ERBB4: variants seen among roughly 807,000 people sequenced by gnomAD.
ERBB4 encodes receptor tyrosine-protein kinase erbB-4.
In ERBB4, 42 loss-of-function variants were observed where a neutral mutation model predicts 158.0. The ratio of observed to expected loss-of-function variants is 0.27; its 90% CI spans 0.21 to 0.34. The LOEUF (loss-of-function observed/expected upper bound fraction) is 0.34, where lower values mean the gene tolerates loss of function less well. Ranked by LOEUF, ERBB4 falls within the 10% of genes least tolerant of loss-of-function variation. ERBB4 has a pLI of 1.00. For missense variants in ERBB4, 1,333 were observed against 1,624.1 expected, an observed-to-expected ratio of 0.82 and a Z score of 3.08; for synonymous variants, 583 against 558.7, an observed-to-expected ratio of 1.04 and a Z score of -0.61.
chr2:211,816,540 C>CAAAAA (rs34323414), intron 3 of ERBB4, among the ~76,000 whole-genome samples: 42 of 65,872 alleles, frequency 6.4e-4, no homozygotes, highest in Non-Finnish European at 8.3e-4. Flanking sequence ...GAGCCCGTCT[C>CAAAAA]AAAAAAAAAA....
chr2:211,650,952 C>G (rs536945825), intron 16 of ERBB4, among the ~76,000 whole-genome samples: 1 of 152,228 alleles, frequency 6.6e-6, no homozygotes, highest in Non-Finnish European at 1.5e-5. Flanking sequence ...CCATACGTGA[C>G]TAGTGGTTAC....
At chr2:212,464,290 T>C (rs2106085582) in intron 1 of ERBB4, among the ~76,000 whole-genome samples, 2 of 152,300 alleles carry the variant, frequency 1.3e-5, no homozygotes, top group South Asian at 4.1e-4. Flanking sequence ...TATAATTCCA[T>C]ATATACTGTA....
At chr2:212,512,194 C>G (rs1414579623) in intron 1 of ERBB4, among the ~76,000 whole-genome samples, 4 of 152,122 alleles carry the variant, frequency 2.6e-5, no homozygotes, top group Non-Finnish European at 5.9e-5. Context: ...TTGAAATACC[C>G]TCTAATAGTT....
At chr2:212,039,269 A>G (rs2077084616) in intron 2 of ERBB4, among the ~76,000 whole-genome samples, 1 of 152,146 alleles carries the variant, frequency 6.6e-6, no homozygotes, top group Non-Finnish European at 1.5e-5. Context: ...CAGAAGAATA[A>G]TGATTGTATA....
intron 20 of ERBB4, among the ~76,000 whole-genome samples, chr2:211,437,943 G>C (rs1385050978): frequency 6.6e-6 from 1 of 152,104 alleles, no homozygotes; most frequent in Non-Finnish European, 1.5e-5. Flanking sequence ...CATGTTTAAG[G>C]AAAGAAAGGG....
chr2:211,584,006 TGAC>T (rs1156853730), intron 19 of ERBB4, among the ~76,000 whole-genome samples: 1 of 148,410 alleles, frequency 6.7e-6, no homozygotes, highest in African/African-American at 2.5e-5. Flanking sequence ...GAATGTATTA[TGAC>T]AGGTGAGATA....
Position 211,428,455 on chromosome 2 carries a change from C to T in ERBB4, c.2672G>A (p.Cys891Tyr), listed in dbSNP as rs181319801. Residue 891 changes from cysteine (C) to tyrosine (Y), a missense_variant, in exon 22 of 28, where the codon TGT becomes TAT. Cys to Tyr is a radical substitution (Grantham distance 194). Coordinates refer to ENST00000342788, the MANE Select transcript of ERBB4 (RefSeq NM_005235.3). The part of the protein sequence containing the change: ...KMPIKWMALE[C>Y]IHYRKFTHQS... ...ATGGGTGAATTTCCTGTAATGTATA[C>T]ACTCCAGAGCCATCCATTTAATTGG... 1.3e-6 allele frequency: 2 copies of T among 1,581,552 alleles called. No individual in the cohort carries two copies. Among genetic ancestry groups the T allele is most frequent in the East Asian group, 2.2e-5 (1 of 44,496 alleles).
chr2:212,177,809 A>G (rs10204590), intron 1 of ERBB4, among the ~76,000 whole-genome samples: 6,138 of 151,962 alleles, frequency 0.04, 410 homozygotes, highest in African/African-American at 0.14. Flanking sequence ...GCCACTTGAG[A>G]TAAGTAGTCT....
rs116462498 is a variant in ERBB4 at position 211,534,051 on chromosome 2, G to A, written c.2487+27852C>T. Among the ~76,000 whole-genome samples the A allele has an allele frequency of 8.6e-3, 1,302 of 152,074 alleles. 16 individuals are homozygous for A. The highest frequency in any genetic ancestry group is 0.03 in the African/African-American group (1,240 of 41,534). On this transcript the variant is annotated intron_variant, in intron 20 of 27. Coordinates refer to ENST00000342788, the MANE Select transcript of ERBB4 (RefSeq NM_005235.3). ...TATCATTGCTAGAAATGCAGCTGTG[G>A]GATTATTTGGTGTGATTTTTTCTTA...
chr2:212,536,427 G>T (rs1452970574), intron 1 of ERBB4, among the ~76,000 whole-genome samples: 1 of 152,084 alleles, frequency 6.6e-6, no homozygotes, highest in East Asian at 1.9e-4. Context: ...TTCTTTGTGC[G>T]GCCCTTTCAT....
chr2:211,643,480 G>A (rs1256186565), intron 16 of ERBB4, among the ~76,000 whole-genome samples: 1 of 151,970 alleles, frequency 6.6e-6, no homozygotes, highest in Non-Finnish European at 1.5e-5. Flanking sequence ...TTTTTTACTT[G>A]TAGGCAAGGA....
intron 1 of ERBB4, among the ~76,000 whole-genome samples, chr2:212,169,829 C>A (rs2081460261): frequency 6.6e-6 from 1 of 152,158 alleles, no homozygotes; most frequent in Non-Finnish European, 1.5e-5. Context: ...CTCTCTCTCA[C>A]CTGCTGCCAT....
chr2:212,390,279 T>G (rs2090816249), intron 1 of ERBB4, among the ~76,000 whole-genome samples: 1 of 151,820 alleles, frequency 6.6e-6, no homozygotes, highest in South Asian at 2.1e-4. Context: ...GGGACTTCAT[T>G]TATTAGTATT....
chr2:211,705,050 G>A (rs1163550918), intron 10 of ERBB4, among the ~76,000 whole-genome samples: 2 of 152,068 alleles, frequency 1.3e-5, no homozygotes, highest in African/African-American at 2.4e-5. Flanking sequence ...TCCACCTCCT[G>A]GGTTCAAGCA....
At chr2:211,912,950 C>T (rs1292298584) in intron 3 of ERBB4, among the ~76,000 whole-genome samples, 1 of 152,204 alleles carries the variant, frequency 6.6e-6, no homozygotes, top group Non-Finnish European at 1.5e-5. Flanking sequence ...TCCCTATCAT[C>T]ACCTGTCTTG....
At chr2:211,611,605 C>T (rs776926408) in intron 19 of ERBB4, among the ~76,000 whole-genome samples, 4 of 152,112 alleles carry the variant, frequency 2.6e-5, no homozygotes, top group Admixed American at 6.6e-5. Flanking sequence ...TTTCATCTCA[C>T]GACTGCTTTC....
chr2:211,528,896 A>T (rs976956859), intron 20 of ERBB4, among the ~76,000 whole-genome samples: 2 of 152,008 alleles, frequency 1.3e-5, no homozygotes, highest in East Asian at 3.8e-4. Flanking sequence ...GTCCCTACAT[A>T]AAAAAGAGGC....
At chr2:212,068,233 C>T (rs1361238433) in intron 2 of ERBB4, among the ~76,000 whole-genome samples, 1 of 151,962 alleles carries the variant, frequency 6.6e-6, no homozygotes, top group Non-Finnish European at 1.5e-5. Context: ...AACTCAAAGA[C>T]ACAGGTGATA....
chr2:211,836,410 C>T (rs1038469445), intron 3 of ERBB4, among the ~76,000 whole-genome samples: 2 of 152,058 alleles, frequency 1.3e-5, no homozygotes, highest in Non-Finnish European at 2.9e-5. Context: ...GAGCATTCTT[C>T]CCCCAGAAAT....
Sources: allele counts gnomAD v4.1 joint callset (sites outside exome capture counted in the v4.1 genomes callset), GRCh38; gene constraint gnomAD v4.1.1; transcripts MANE v1.5; gene names NCBI Gene and HGNC (gene_info 2026-07-23, HGNC 2026-07-21).